MAPRE3: variants seen among roughly 807,000 people sequenced by gnomAD.
MAPRE3 encodes the protein microtubule-associated protein RP/EB family member 3.
MAPRE3 carries 2 observed loss-of-function variants against 30.5 expected under a neutral mutation model. The ratio of observed to expected loss-of-function variants is 0.07; its 90% CI spans 0.03 to 0.21. The LOEUF (loss-of-function observed/expected upper bound fraction) is 0.21, where lower values mean the gene tolerates loss of function less well. Among genes scored for constraint, MAPRE3 ranks in the 10% least tolerant of loss-of-function variants. The probability of loss-of-function intolerance (pLI) is 1.00; values close to 1 mark genes in which losing one functional copy is unlikely to be tolerated. For synonymous variants in MAPRE3, 110 were observed against 127.7 expected (o/e 0.86, Z 0.93); for missense variants, 204 against 351.8 (o/e 0.58, Z 3.36).
At chr2:26,984,433 T>C (rs1666178197) in intron 1 of MAPRE3, among the ~76,000 whole-genome samples, 1 of 152,224 alleles carries the variant, frequency 6.6e-6, no homozygotes, top group Non-Finnish European at 1.5e-5. Context: ...ATCTAACTAT[T>C]TTTCATTTGT....
chr2:27,014,033 ACTGT>A (rs1666924086), intron 1 of MAPRE3: 1 of 152,200 alleles, frequency 6.6e-6, no homozygotes, highest in African/African-American at 2.4e-5. Flanking sequence ...GCCAAGTCAC[ACTGT>A]CTGCCTTCTG....
intron 3 of MAPRE3, 94 bp from the exon 4 acceptor site, chr2:27,024,002 G>T: frequency 2.1e-6 from 2 of 953,704 alleles, no homozygotes; most frequent in Non-Finnish European, 3.3e-6. Flanking sequence ...GCAGCCCAGG[G>T]GCTGGCTTTC....
At chr2:26,972,416 AC>A (rs1217698977) in intron 1 of MAPRE3, among the ~76,000 whole-genome samples, 1 of 152,230 alleles carries the variant, frequency 6.6e-6, no homozygotes, top group Non-Finnish European at 1.5e-5. Flanking sequence ...AGTAGCCAAG[AC>A]GGCTGTCGCC....
chr2:27,018,023 C>T (rs540883093), intron 1 of MAPRE3, among the ~76,000 whole-genome samples: 1 of 152,132 alleles, frequency 6.6e-6, no homozygotes, highest in East Asian at 1.9e-4. Flanking sequence ...GGCTGGAAGA[C>T]CCTTGAGGCT....
chr2:27,019,083 A>G (rs975911996), intron 1 of MAPRE3, among the ~76,000 whole-genome samples: 1 of 151,834 alleles, frequency 6.6e-6, no homozygotes, highest in African/African-American at 2.4e-5. Flanking sequence ...TAGTAGAGAC[A>G]GGGTTTTGCC....
Position 27,026,466 on chromosome 2 carries a change from C to G in MAPRE3, c.*118C>G, listed in dbSNP as rs145250608. ...CGGGTGCTTTGTGTCAGTGCTGCAG[C>G]ACTGGGGAGCCAGGCGAGGGGGGCT... On this transcript the variant is annotated 3_prime_UTR_variant, in exon 7 of 7. Transcript: ENST00000233121. 140 of 871,598 alleles carry G rather than the reference C, an allele frequency of 1.6e-4. 2 individuals carry two copies. The East Asian group carries it at 3.6e-3, about 23-fold the overall frequency. The allele number at this position is 871,598 out of a possible 1,614,324, so 54.0% of individuals were successfully genotyped here.
intron 1 of MAPRE3, among the ~76,000 whole-genome samples, chr2:27,001,776 T>A (rs747076253): frequency 1.8e-4 from 27 of 152,236 alleles, no homozygotes; most frequent in Non-Finnish European, 5.9e-5. Flanking sequence ...ATGGAACCAC[T>A]GTCGTACATG....
chr2:26,985,443 G>C lies in MAPRE3; in HGVS notation c.-8+14641G>C, dbSNP rs1666197809. The stretch of plus-strand genomic sequence containing the variant: ...TTCCTATAGCAGTAATGTGGCAGAA[G>C]CAGGCCCTGGAGACCCTCCCCACTT... On this transcript the variant is annotated intron_variant, in intron 1 of 6. Transcript: ENST00000233121. The surrounding 1 kb of genome is among the most constrained non-coding windows in gnomAD (Gnocchi z 4.2). Among the ~76,000 whole-genome samples the C allele has an allele frequency of 6.6e-6, 1 of 152,230 alleles. No individual in the cohort carries two copies. Among genetic ancestry groups the C allele is most frequent in the Admixed American group, 6.5e-5 (1 of 15,282 alleles).
At chr2:26,972,940 C>T (rs1572738201) in intron 1 of MAPRE3, among the ~76,000 whole-genome samples, 1 of 152,200 alleles carries the variant, frequency 6.6e-6, no homozygotes, top group South Asian at 2.1e-4. Flanking sequence ...TATACATTGC[C>T]TATCCAGCTG....
At chr2:27,020,570 C>T (rs1667088618) in intron 1 of MAPRE3, among the ~76,000 whole-genome samples, 1 of 152,216 alleles carries the variant, frequency 6.6e-6, no homozygotes, top group Admixed American at 6.5e-5. Context: ...TGGCTCCACT[C>T]CAACTGCTGG....
intron 1 of MAPRE3, among the ~76,000 whole-genome samples, chr2:26,998,381 A>G (rs1410781954): frequency 6.6e-6 from 1 of 152,226 alleles, no homozygotes; most frequent in Non-Finnish European, 1.5e-5. Context: ...TTTGCTGCAC[A>G]GAACTGAAGT....
intron 1 of MAPRE3, among the ~76,000 whole-genome samples, chr2:27,002,410 G>C (rs982227681): frequency 1.9e-5 from 2 of 102,678 alleles, no homozygotes; most frequent in Non-Finnish European, 3.8e-5. Context: ...AAATCTAAAG[G>C]CTTTTAATCT....
chr2:26,995,780 G>GGTGTGTGGGTGTGT, intron 1 of MAPRE3, among the ~76,000 whole-genome samples: 1 of 109,638 alleles, frequency 9.1e-6, no homozygotes, highest in Non-Finnish European at 1.8e-5. Context: ...TTCTAAGAGA[G>GGTGTGTGGGTGTGT]GTGTGTGTGT....
chr2:26,993,237 G>A (rs1004814097), intron 1 of MAPRE3, among the ~76,000 whole-genome samples: 3 of 152,108 alleles, frequency 2.0e-5, no homozygotes, highest in Non-Finnish European at 4.4e-5. Flanking sequence ...GGGAGTGGTG[G>A]TGCACACCTG....
chr2:26,979,649 G>A (rs1666076898), intron 1 of MAPRE3, among the ~76,000 whole-genome samples: 1 of 152,164 alleles, frequency 6.6e-6, no homozygotes, highest in African/African-American at 2.4e-5. Flanking sequence ...GGATGAGCAG[G>A]CTGTGAGTTG....
At chr2:26,996,945 A>G (rs1331892533) in intron 1 of MAPRE3, 2 of 152,250 alleles carry the variant, frequency 1.3e-5, no homozygotes, top group Admixed American at 6.5e-5. Context: ...AGACAAGCCC[A>G]TTAGCAGAGA....
intron 1 of MAPRE3, among the ~76,000 whole-genome samples, chr2:26,972,957 A>C (rs1665943300): frequency 6.6e-6 from 1 of 152,226 alleles, no homozygotes; most frequent in African/African-American, 2.4e-5. Context: ...GCTGTTGCTG[A>C]ATGTAATTGT....
intron 1 of MAPRE3, among the ~76,000 whole-genome samples, chr2:26,984,262 A>G (rs1435624251): frequency 6.6e-6 from 1 of 152,240 alleles, no homozygotes; most frequent in Non-Finnish European, 1.5e-5. Context: ...TTGCTTTTAG[A>G]ATTAAATATT....
chr2:26,992,234 T>TA (rs1349364609), intron 1 of MAPRE3, among the ~76,000 whole-genome samples: 3 of 151,786 alleles, frequency 2.0e-5, no homozygotes, highest in Non-Finnish European at 4.4e-5. Context: ...AGATAATTTT[T>TA]TTTTTTTTTG....
Sources: allele counts gnomAD v4.1 joint callset (sites outside exome capture counted in the v4.1 genomes callset), GRCh38; gene constraint gnomAD v4.1.1; non-coding constraint Gnocchi (gnomAD v3.1); transcripts MANE v1.5; gene names NCBI Gene and HGNC (gene_info 2026-07-23, HGNC 2026-07-21).